KIF7: variants seen among roughly 807,000 people sequenced by gnomAD.
KIF7 encodes kinesin-like protein KIF7.
In KIF7, 104 loss-of-function variants were observed where a neutral mutation model predicts 135.7. The ratio of observed to expected loss-of-function variants is 0.77; its 90% CI spans 0.65 to 0.90. KIF7 has a LOEUF of 0.90. Among genes scored for constraint, KIF7 ranks in the 40% least tolerant of loss-of-function variants. The pLI, the probability that KIF7 is intolerant of heterozygous loss-of-function variation, is 0.00. For missense variants in KIF7, 2,005 were observed against 1,839.1 expected, an observed-to-expected ratio of 1.09 and a Z score of -1.65; for synonymous variants, 883 against 809.4, an observed-to-expected ratio of 1.09 and a Z score of -1.54.
At chr15:89,627,293 G>A, downstream of KIF7, 1 of 604,916 alleles carries the variant, frequency 1.7e-6, no homozygotes, top group Non-Finnish European at 2.8e-6. Flanking sequence ...GAGGAGAGGT[G>A]GATGGCAATG....
chr15:89,654,874 C>T (rs1048134593), intron 1 of KIF7, among the ~76,000 whole-genome samples: 2 of 152,258 alleles, frequency 1.3e-5, no homozygotes, highest in Non-Finnish European at 2.9e-5. Context: ...GGCTCCCGAC[C>T]CTGGGCACAC....
chr15:89,624,456 G>T, downstream of KIF7: 1 of 1,614,154 alleles, frequency 6.2e-7, no homozygotes, highest in Non-Finnish European at 8.5e-7. Flanking sequence ...CTAAAGTTGG[G>T]AAACGGTGTA....
chr15:89,630,721 CTG>C (rs1963655894), intron 15 of KIF7: 10 of 596,538 alleles, frequency 1.7e-5, no homozygotes, highest in East Asian at 1.4e-4. Context: ...CTGCAAGCCT[CTG>C]TGAATGATCT....
In KIF7 at chr15:89,640,257, C is replaced by T. The variant is rs985505702; in HGVS notation, c.2394+1946G>A. On this transcript the variant is annotated intron_variant, in intron 11 of 18. Coordinates refer to ENST00000394412, the MANE Select transcript of KIF7 (RefSeq NM_198525.3). Reference sequence around the variant, plus strand: ...TGTATACATATGTAACTAACCTGCACATTGTGCACATGTACCCTAAAACTT... The same window carrying T: ...TGTATACATATGTAACTAACCTGCATATTGTGCACATGTACCCTAAAACTT... Among the ~76,000 whole-genome samples the T allele has an allele frequency of 2.6e-4, 40 of 152,030 alleles. 1 individual carries two copies. The highest frequency in any genetic ancestry group is 4.4e-4 in the Non-Finnish European group (30 of 67,986).
chr15:89,626,056 C>T (rs1963519120), downstream of KIF7: 1 of 1,613,690 alleles, frequency 6.2e-7, no homozygotes, highest in Non-Finnish European at 8.5e-7. Flanking sequence ...AGCAAAGACC[C>T]CAGAGGTAAT....
At chr15:89,644,289 C>T (rs924310911) in intron 10 of KIF7, among the ~76,000 whole-genome samples, 8 of 152,212 alleles carry the variant, frequency 5.3e-5, no homozygotes, top group East Asian at 1.9e-4. Context: ...AATTTGGAGA[C>T]GCTCAGTCCT....
In KIF7 at chr15:89,630,374, C is replaced by A. The variant is rs1323089305; in HGVS notation, c.3231G>T (p.Leu1077=). 1 of 1,614,130 alleles carries A rather than the reference C, an allele frequency of 6.2e-7. No individual in the cohort carries two copies. Among genetic ancestry groups the A allele is most frequent in the South Asian group, 1.1e-5 (1 of 91,062 alleles). Reference sequence around the variant, plus strand: ...CCATGAGGTTCATCTCGCACTGGGACAGCAACGAGGCTGAGGCCCGAAGCA... The same window carrying A: ...CCATGAGGTTCATCTCGCACTGGGAAAGCAACGAGGCTGAGGCCCGAAGCA... ...QRVLRASASL[L]SQCEMNLMAK... is the part of the protein sequence containing the mutation. Residue 1077 remains leucine, a synonymous_variant, in exon 16 of 19, where the codon CTG becomes CTT. Transcript: ENST00000394412.
intron 18 of KIF7, 41 bp from the exon 19 acceptor site, chr15:89,628,827 C>G: frequency 6.2e-7 from 1 of 1,611,712 alleles, no homozygotes; most frequent in Non-Finnish European, 8.5e-7. Flanking sequence ...AAACAGGTGG[C>G]AACACCTTCC....
intron 11 of KIF7, among the ~76,000 whole-genome samples, chr15:89,635,547 T>C (rs1045984923): frequency 2.6e-4 from 39 of 152,260 alleles, no homozygotes; most frequent in Middle Eastern, 3.4e-3. Flanking sequence ...CCTCAGGAGC[T>C]GATGCGATCA....
In KIF7 at chr15:89,637,436, G is replaced by A. The variant is rs796881147; in HGVS notation, c.2395-3553C>T. Reference sequence around the variant, plus strand: ...AACAAAATTGATAGACCACTAGCAAGAAAAAAAGAGAGAAGAATCAAATAG... The same window carrying A: ...AACAAAATTGATAGACCACTAGCAAAAAAAAAAGAGAGAAGAATCAAATAG... On this transcript the variant is annotated intron_variant, in intron 11 of 18. Transcript: ENST00000394412. 2.0e-5 allele frequency among the ~76,000 whole-genome samples: 3 copies of A among 151,654 alleles called. No homozygotes were observed. The South Asian group carries it at 6.3e-4, about 32-fold the overall frequency.
upstream of KIF7, among the ~76,000 whole-genome samples, chr15:89,657,676 A>G (rs767791549): frequency 2.0e-5 from 3 of 152,226 alleles, no homozygotes; most frequent in East Asian, 5.8e-4. Flanking sequence ...TAAAATGTAT[A>G]CTGTAGGCCT....
intron 1 of KIF7, chr15:89,618,289 C>A: frequency 2.3e-6 from 3 of 1,298,100 alleles, no homozygotes; most frequent in Non-Finnish European, 3.4e-6. Flanking sequence ...TGTTACTTGG[C>A]ATATCCTAAG....
Position 89,632,481 on chromosome 15 carries a change from C to T in KIF7, c.2895+339G>A, listed in dbSNP as rs373885991. On this transcript the variant is annotated intron_variant, in intron 14 of 18. Transcript: ENST00000394412. ...TGAGTGAAATGAATTGGAGGATGGA[C>T]ACTTAAGAGAGGTTCTTCTATGCAT... Among the ~76,000 whole-genome samples the T allele has an allele frequency of 1.1e-4, 16 of 152,320 alleles. No homozygotes were observed. The East Asian group carries it at 2.5e-3, about 24-fold the overall frequency.
At position 89,633,730 on chromosome 15, in the gene KIF7, G is replaced by T; in HGVS notation, c.2548C>A (p.Arg850=). ...TTGCTCATTTCTGCCTCCAGGCGCC[G>T]CTTCTGCTCCGTCTCCTCGCGAAGC... ...RRLREETEQK[R]RLEAEMSKRQ... The change falls in exon 12 of 19, where the codon CGG becomes AGG. Residue 850 remains arginine (R), a synonymous_variant. Coordinates refer to ENST00000394412, the MANE Select transcript of KIF7 (RefSeq NM_198525.3). 1 of 1,608,754 alleles carries T rather than the reference G, an allele frequency of 6.2e-7. No individual in the cohort carries two copies.
At chr15:89,645,563 C>G (rs893872998) in intron 8 of KIF7, 112 bp from the exon 9 acceptor site, 69 of 851,472 alleles carry the variant, frequency 8.1e-5, no homozygotes, top group Non-Finnish European at 1.2e-4. Context: ...CTCCCAGGGT[C>G]AATATAAACC....
chr15:89,626,897 T>C (rs1963537850), downstream of KIF7: 2 of 1,580,550 alleles, frequency 1.3e-6, no homozygotes, highest in Admixed American at 1.8e-5. Flanking sequence ...TTTAAGCCAA[T>C]TTTTTTCAGT....
chr15:89,629,991 G>A, intron 16 of KIF7: 3 of 535,728 alleles, frequency 5.6e-6, no homozygotes, highest in Non-Finnish European at 3.4e-6. Context: ...AGTATCTCCA[G>A]CCATGGCCAA....
chr15:89,645,142 C>G lies in KIF7; in HGVS notation c.2062G>C (p.Val688Leu). 6.2e-7 allele frequency: 1 copy of G among 1,604,514 alleles called. No individual in the cohort carries two copies. Among genetic ancestry groups the G allele is most frequent in the Non-Finnish European group, 8.5e-7 (1 of 1,179,962 alleles). The change falls in exon 10 of 19, where the codon GTT (valine) becomes CTT (leucine). Residue 688 changes from valine to leucine, a missense_variant. Transcript: ENST00000394412. ...GCAGGGGGGACCTGGCGGGCCTGAA[C>G]TCGGGCCTTGCTCCCACCAACTGCT... ...SRAVGGSKAR[V>L]QARQVPPATA...
intron 10 of KIF7, among the ~76,000 whole-genome samples, chr15:89,643,885 G>GAAAAAAA (rs11358124): frequency 1.1e-5 from 1 of 91,546 alleles, no homozygotes; most frequent in African/African-American, 4.2e-5. Flanking sequence ...CTCCGTCTCA[G>GAAAAAAA]AAAAAAAAAA....
Sources: allele counts gnomAD v4.1 joint callset (sites outside exome capture counted in the v4.1 genomes callset), GRCh38; gene constraint gnomAD v4.1.1; transcripts MANE v1.5; gene names NCBI Gene and HGNC (gene_info 2026-07-23, HGNC 2026-07-21).